Variants in POLA1 observed in about 807,000 individuals in gnomAD.
POLA1 encodes the protein DNA polymerase alpha catalytic subunit.
A neutral mutation model predicts 124.0 loss-of-function variants in POLA1; 15 were observed. The observed-to-expected ratio is 0.12, with a 90% CI of 0.08 to 0.19. The LOEUF (loss-of-function observed/expected upper bound fraction) is 0.19, where lower values mean the gene tolerates loss of function less well. POLA1 is among the 10% of genes least tolerant of loss of function. The pLI is 1.00. For missense variants in POLA1, 886 were observed against 1,103.4 expected (o/e 0.80, Z 2.79); for synonymous variants, 408 against 389.4 (o/e 1.05, Z -0.56).
chrX:24,727,849 T>C lies in POLA1; in HGVS notation c.1599T>C (p.Asn533=). ...TGGCTTTGAAACCAGACCTGGTGAATGTAATTAAGGATGTCAGTCCACCAC... is the reference window on the plus strand; with the variant it reads ...TGGCTTTGAAACCAGACCTGGTGAACGTAATTAAGGATGTCAGTCCACCAC... ...EAMALKPDLV[N]VIKDVSPPPL... Residue 533 remains asparagine (N), a synonymous_variant, in exon 15 of 37, where the codon AAT becomes AAC. Transcript: ENST00000379068. The C allele has an allele frequency of 8.3e-7, 1 of 1,207,295 alleles. No homozygotes were observed. Among genetic ancestry groups the C allele is most frequent in the Non-Finnish European group, 1.1e-6 (1 of 891,136 alleles).
chrX:24,911,219 A>G (rs1390766112), intron 35 of POLA1, among the ~76,000 whole-genome samples: 1 of 111,999 alleles, frequency 8.9e-6, no homozygotes, highest in African/African-American at 3.2e-5. Flanking sequence ...AACACAATAT[A>G]TACTGTGATG....
At chrX:24,797,741 C>T (rs1416214008) in intron 26 of POLA1, among the ~76,000 whole-genome samples, 1 of 111,237 alleles carries the variant, frequency 9.0e-6, no homozygotes, top group Non-Finnish European at 1.9e-5. Flanking sequence ...TGAGCCTTGG[C>T]CAAATTAGAG....
chrX:24,751,274 A>G (rs867452436), intron 26 of POLA1, among the ~76,000 whole-genome samples: 7 of 112,004 alleles, frequency 6.2e-5, no homozygotes, highest in South Asian at 7.5e-4. Context: ...AATTTGTCCA[A>G]TGATCTCCCC....
At chrX:24,745,933 A>G (rs923799526) in intron 24 of POLA1, among the ~76,000 whole-genome samples, 2 of 111,723 alleles carry the variant, frequency 1.8e-5, no homozygotes, top group African/African-American at 6.5e-5. Flanking sequence ...AGGTTCATCC[A>G]TTTTGTAGAA....
intron 36 of POLA1, among the ~76,000 whole-genome samples, chrX:24,934,936 G>C (rs1194076012): frequency 9.0e-6 from 1 of 111,321 alleles, no homozygotes; most frequent in Non-Finnish European, 1.9e-5. Context: ...TTGGTCAGGT[G>C]GGTCTCAAAC....
intron 35 of POLA1, among the ~76,000 whole-genome samples, chrX:24,889,200 C>G (rs2047110834): frequency 9.0e-6 from 1 of 111,393 alleles, no homozygotes; most frequent in African/African-American, 3.3e-5. Context: ...TTAATATACA[C>G]ACCTGAGGTG....
At chrX:24,700,147 G>T (rs1316144361) in intron 2 of POLA1, among the ~76,000 whole-genome samples, 1 of 107,578 alleles carries the variant, frequency 9.3e-6, no homozygotes, top group Non-Finnish European at 1.9e-5. Context: ...TTGCCTTATG[G>T]CCAGAAAGTG....
intron 26 of POLA1, among the ~76,000 whole-genome samples, chrX:24,807,012 A>G (rs944512769): frequency 8.9e-6 from 1 of 112,054 alleles, no homozygotes; most frequent in Non-Finnish European, 1.9e-5. Flanking sequence ...GCAAAAAAAG[A>G]CATCCACCAA....
intron 36 of POLA1, among the ~76,000 whole-genome samples, chrX:24,961,179 A>G (rs904416987): frequency 9.0e-6 from 1 of 110,755 alleles, no homozygotes; most frequent in African/African-American, 3.3e-5. Flanking sequence ...TCCCACTACA[A>G]AACTGTAAAC....
At chrX:24,708,306 TCTC>T (rs1928950439) in intron 4 of POLA1, among the ~76,000 whole-genome samples, 2 of 110,233 alleles carry the variant, frequency 1.8e-5, no homozygotes, top group African/African-American at 6.6e-5. Context: ...ATGATACAGA[TCTC>T]CTGTCTCACA....
chrX:24,932,397 T>G (rs936748028), intron 36 of POLA1, among the ~76,000 whole-genome samples: 4 of 111,973 alleles, frequency 3.6e-5, no homozygotes, highest in African/African-American at 1.3e-4. Context: ...CACTGGAGAT[T>G]TAGCCCATCC....
chrX:24,918,307 A>G (rs1275865668), intron 35 of POLA1, among the ~76,000 whole-genome samples: 1 of 111,265 alleles, frequency 9.0e-6, no homozygotes, highest in East Asian at 2.8e-4. Context: ...CTCTGAAACT[A>G]TTAGTCACTA....
intron 32 of POLA1, among the ~76,000 whole-genome samples, chrX:24,836,808 T>C (rs954427137): frequency 5.8e-4 from 65 of 111,960 alleles, no homozygotes; most frequent in Non-Finnish European, 2.1e-4. Context: ...GTGTTTGGGA[T>C]TTTTTCGGAT....
At chrX:24,972,120 C>T in intron 36 of POLA1, among the ~76,000 whole-genome samples, 1 of 110,504 alleles carries the variant, frequency 9.0e-6, no homozygotes, top group East Asian at 2.8e-4. Context: ...AGGTGCCTGC[C>T]ACCACGCCCG....
intron 35 of POLA1, among the ~76,000 whole-genome samples, chrX:24,919,564 C>T (rs754111542): frequency 2.7e-5 from 3 of 111,345 alleles, no homozygotes; most frequent in South Asian, 3.8e-4. Context: ...CAAATGAACA[C>T]GTATTCAAGT....
chrX:24,934,050 G>A (rs2047816915), intron 36 of POLA1, among the ~76,000 whole-genome samples: 1 of 111,708 alleles, frequency 9.0e-6, no homozygotes, highest in Non-Finnish European at 1.9e-5. Flanking sequence ...GGAACATAGG[G>A]GCAATCTATG....
intron 36 of POLA1, among the ~76,000 whole-genome samples, chrX:24,951,025 TC>T (rs1318341122): frequency 8.9e-6 from 1 of 111,835 alleles, no homozygotes; most frequent in African/African-American, 3.3e-5. Context: ...AGGAGATTTA[TC>T]TTAAAATTGG....
chrX:24,850,767 C>T (rs752639007), intron 34 of POLA1, among the ~76,000 whole-genome samples: 1 of 111,810 alleles, frequency 8.9e-6, no homozygotes, highest in South Asian at 3.8e-4. Context: ...AGTTTTTTGT[C>T]GGGGATGGAG....
At chrX:24,927,041 T>G (rs1030322339) in intron 35 of POLA1, among the ~76,000 whole-genome samples, 1 of 108,828 alleles carries the variant, frequency 9.2e-6, no homozygotes, top group Non-Finnish European at 1.9e-5. Context: ...TTTCACCATA[T>G]TGGCCAGGCT....
Sources: allele counts gnomAD v4.1 joint callset (sites outside exome capture counted in the v4.1 genomes callset), GRCh38; gene constraint gnomAD v4.1.1; transcripts MANE v1.5; gene names NCBI Gene and HGNC (gene_info 2026-07-23, HGNC 2026-07-21).